The following TUBA3C variants were observed in gnomAD, a reference collection of about 807,000 sequenced individuals.
TUBA3C encodes the protein tubulin alpha-3C chain.
A neutral mutation model predicts 33.4 loss-of-function variants in TUBA3C; 23 were observed. The observed-to-expected ratio is 0.69, with a 90% CI of 0.50 to 0.98. The LOEUF is 0.98. Among genes scored for constraint, TUBA3C ranks in the 50% least tolerant of loss-of-function variants. The pLI is 0.00. For missense variants in TUBA3C, 402 were observed against 616.0 expected (o/e 0.65, Z 3.68); for synonymous variants, 269 against 250.4 (o/e 1.07, Z -0.70).
intron 1 of TUBA3C, among the ~76,000 whole-genome samples, chr13:19,179,952 AAT>A (rs1215064745): frequency 2.0e-5 from 3 of 152,146 alleles, no homozygotes; most frequent in Non-Finnish European, 2.9e-5. Context: ...TGGGTAAGGA[AAT>A]AGAGAGTAGG....
chr13:19,178,254 G>A lies in TUBA3C; in HGVS notation c.367C>T (p.Arg123Cys), dbSNP rs201563264. The A allele has an allele frequency of 4.3e-5, 69 of 1,614,146 alleles. No individual in the cohort carries two copies. In the East Asian group the frequency reaches 1.3e-3, roughly 30 times the overall value. Residue 123 changes from arginine (R) to cysteine (C), a missense_variant, in exon 3 of 5, where the codon CGC (arginine) becomes TGC (cysteine). By Grantham distance (180) the Arg-to-Cys change is radical. Coordinates refer to ENST00000400113, the MANE Select transcript of TUBA3C (RefSeq NM_006001.3). Reference sequence around the variant, plus strand: ...AAGCCTTCTCTTCTTACCAGTTTGCGGATCCGGTCCAGGACCAGGTCGACG... The same window carrying A: ...AAGCCTTCTCTTCTTACCAGTTTGCAGATCCGGTCCAGGACCAGGTCGACG... The part of the protein sequence containing the change: ...EIVDLVLDRI[R>C]KLADLCTGLQ...
At chr13:19,175,214 T>C (rs1479238147) in intron 4 of TUBA3C, among the ~76,000 whole-genome samples, 4 of 152,152 alleles carry the variant, frequency 2.6e-5, no homozygotes, top group Non-Finnish European at 4.4e-5. Flanking sequence ...ATCACGCCAC[T>C]GCACTCCAGC....
intron 4 of TUBA3C, 101 bp downstream of exon 4, chr13:19,176,826 G>T: frequency 7.1e-7 from 1 of 1,404,500 alleles, no homozygotes; most frequent in Non-Finnish European, 9.7e-7. Flanking sequence ...CCATGGAATA[G>T]GGGTAGTATC....
chr13:19,180,272 T>G (rs1869354947), intron 1 of TUBA3C, among the ~76,000 whole-genome samples: 1 of 152,066 alleles, frequency 6.6e-6, no homozygotes, highest in Non-Finnish European at 1.5e-5. Flanking sequence ...GCCCTCTTCA[T>G]AAAGTTACCC....
In TUBA3C at chr13:19,181,631, C is replaced by G; in HGVS notation, c.3+114G>C. 3.3e-6 allele frequency: 5 copies of G among 1,494,172 alleles called. No homozygotes were observed. In the South Asian group the frequency reaches 3.5e-5, roughly 10 times the overall value. 92.6% of individuals were successfully genotyped at this position (1,494,172 alleles called of 1,614,324 possible). The stretch of plus-strand genomic sequence containing the variant: ...CCTGGGCCCCGCATCCTTCTCTGAC[C>G]TCCTTTCTGCACCCTGGCCCGCAAC... On this transcript the variant is annotated intron_variant, in intron 1 of 4. Coordinates refer to ENST00000400113, the MANE Select transcript of TUBA3C (RefSeq NM_006001.3).
chr13:19,179,650 A>G, intron 1 of TUBA3C, 87 bp from the exon 2 acceptor site: 2 of 1,425,544 alleles, frequency 1.4e-6, no homozygotes, highest in South Asian at 1.5e-5. Flanking sequence ...TTTAATATTT[A>G]TATACTGCTT....
At chr13:19,174,699 G>A (rs1455546173) in intron 4 of TUBA3C, among the ~76,000 whole-genome samples, 8 of 151,680 alleles carry the variant, frequency 5.3e-5, no homozygotes, top group Non-Finnish European at 8.8e-5. Flanking sequence ...AGGTGCAGTG[G>A]CTCACACCCA....
At chr13:19,179,273 AT>A in intron 2 of TUBA3C, 67 bp downstream of exon 2, 1 of 1,597,106 alleles carries the variant, frequency 6.3e-7, no homozygotes, top group South Asian at 1.1e-5. Context: ...AGGAGCCCAC[AT>A]GGGGCCTTAC....
Position 19,181,738 on chromosome 13 carries a change from G to A in TUBA3C, c.3+7C>T. 6.2e-7 allele frequency: 1 copy of A among 1,602,262 alleles called. No homozygotes were observed. The highest frequency in any genetic ancestry group is 8.5e-7 in the Non-Finnish European group (1 of 1,179,896). On this transcript the variant is annotated splice_region_variant and intron_variant, in intron 1 of 4. Coordinates refer to ENST00000400113, the MANE Select transcript of TUBA3C (RefSeq NM_006001.3). ...GCGTCTGCGGGGTGGGAGTGACCTG[G>A]CCTTACCATGTTGAGCTCCTCCGCT... is the stretch of plus-strand genomic sequence containing the variant.
intron 2 of TUBA3C, 146 bp from the exon 3 acceptor site, chr13:19,178,540 T>G (rs1593261838): frequency 8.5e-7 from 1 of 1,170,116 alleles, no homozygotes; most frequent in Non-Finnish European, 1.2e-6. Flanking sequence ...CAGTGTCTGG[T>G]AGAAAATGTC....
chr13:19,179,809 A>G (rs540112506), intron 1 of TUBA3C, among the ~76,000 whole-genome samples: 1 of 152,188 alleles, frequency 6.6e-6, no homozygotes, highest in Non-Finnish European at 1.5e-5. Context: ...CTACACAAAA[A>G]TTAGATTATT....
chr13:19,181,310 G>A (rs1232737091), intron 1 of TUBA3C, among the ~76,000 whole-genome samples: 1 of 152,070 alleles, frequency 6.6e-6, no homozygotes, highest in South Asian at 2.1e-4. Flanking sequence ...TCCAACTCCC[G>A]TCTGAGCTTT....
Position 19,174,030 on chromosome 13 carries a change from C to G in TUBA3C, c.1186G>C (p.Asp396His), listed in dbSNP as rs994945064. Residue 396 changes from aspartate (D) to histidine (H), a missense_variant, in exon 5 of 5, where the codon GAT (aspartate) becomes CAT (histidine). Asp to His is a moderately conservative substitution (Grantham distance 81). Coordinates refer to ENST00000400113, the MANE Select transcript of TUBA3C (RefSeq NM_006001.3). ...AAGGCCCGCTTGGCATACATGAGATCGAACTTATGGTCCAGGCGAGCCCAG... is the reference window on the plus strand; with the variant it reads ...AAGGCCCGCTTGGCATACATGAGATGGAACTTATGGTCCAGGCGAGCCCAG... Reference protein sequence around the residue: ...EAWARLDHKFDLMYAKRAFVH... With the variant: ...EAWARLDHKFHLMYAKRAFVH... The G allele has an allele frequency of 4.3e-6, 7 of 1,613,670 alleles. No individual in the cohort carries two copies. Among genetic ancestry groups the G allele is most frequent in the Non-Finnish European group, 5.9e-6 (7 of 1,179,930 alleles).
intron 1 of TUBA3C, 122 bp from the exon 2 acceptor site, chr13:19,179,685 A>T: frequency 1.5e-6 from 2 of 1,351,492 alleles, no homozygotes; most frequent in Non-Finnish European, 2.0e-6. Flanking sequence ...TTCACAATTG[A>T]TATTTCCTAG....
In TUBA3C at chr13:19,181,796, C is replaced by T. The variant is rs367873347; in HGVS notation, c.-49G>A. 5.9e-5 allele frequency: 94 copies of T among 1,598,172 alleles called. No individual in the cohort carries two copies. In the East Asian group the frequency reaches 1.2e-3, roughly 20 times the overall value. ...CCCAACGCTACTACTTGACCTCAACCGCCGCTGCAGCTGCGCACGCCCAAC... is the reference window on the plus strand; with the variant it reads ...CCCAACGCTACTACTTGACCTCAACTGCCGCTGCAGCTGCGCACGCCCAAC... On this transcript the variant is annotated 5_prime_UTR_variant, in exon 1 of 5. Transcript: ENST00000400113.
intron 4 of TUBA3C, among the ~76,000 whole-genome samples, chr13:19,174,754 G>A (rs1303826330): frequency 6.6e-6 from 1 of 152,122 alleles, no homozygotes; most frequent in Non-Finnish European, 1.5e-5. Flanking sequence ...CTTGAACTGA[G>A]TTTGAGACCA....
intron 4 of TUBA3C, 38 bp downstream of exon 4, chr13:19,176,889 G>A (rs754943543): frequency 6.3e-7 from 1 of 1,597,060 alleles, no homozygotes; most frequent in Non-Finnish European, 8.6e-7. Flanking sequence ...TCTGTTGCTT[G>A]CTGAAAGGTA....
In TUBA3C at chr13:19,180,064, C is replaced by T. The variant is rs36214769; in HGVS notation, c.4-501G>A. Among the ~76,000 whole-genome samples the T allele has an allele frequency of 8.4e-3, 1,286 of 152,196 alleles. 6 individuals are homozygous for T. Among genetic ancestry groups the T allele is most frequent in the Middle Eastern group, 0.024 (7 of 294 alleles). The stretch of plus-strand genomic sequence containing the variant: ...CATTCACCACCCGCCCTGTGCTCTC[C>T]GAGGCTGACCCATGAGGACAGCATC... On this transcript the variant is annotated intron_variant, in intron 1 of 4. Coordinates refer to ENST00000400113, the MANE Select transcript of TUBA3C (RefSeq NM_006001.3).
chr13:19,178,099 G>T, intron 3 of TUBA3C, 147 bp downstream of exon 3: 2 of 1,286,800 alleles, frequency 1.6e-6, no homozygotes, highest in Non-Finnish European at 1.1e-6. Flanking sequence ...GCCCACCTTG[G>T]CCTCCCAAAG....
Sources: gnomAD v4.1 joint callset for allele counts (sites outside exome capture counted in the v4.1 genomes callset) on GRCh38, gnomAD v4.1.1 for gene constraint, MANE v1.5 for transcripts, NCBI Gene and HGNC (gene_info 2026-07-23, HGNC 2026-07-21) for gene names.